STPG1: variants seen among roughly 807,000 people sequenced by gnomAD.
STPG1 encodes O(6)-methylguanine-induced apoptosis 2.
A neutral mutation model predicts 40.1 loss-of-function variants in STPG1; 33 were observed. The observed-to-expected ratio is 0.82, with a 90% CI of 0.62 to 1.10. The LOEUF (loss-of-function observed/expected upper bound fraction) is 1.10, where lower values mean the gene tolerates loss of function less well. Among genes scored for constraint, STPG1 ranks in the 50% least tolerant of loss-of-function variants. STPG1 has a pLI of 0.00. For synonymous variants in STPG1, 150 were observed against 155.0 expected, an observed-to-expected ratio of 0.97 and a Z score of 0.24; for missense variants, 396 against 415.1, an observed-to-expected ratio of 0.95 and a Z score of 0.40.
chr1:24,406,761 C>A (rs1643430441), intron 1 of STPG1, among the ~76,000 whole-genome samples: 1 of 152,000 alleles, frequency 6.6e-6, no homozygotes, highest in Non-Finnish European at 1.5e-5. Flanking sequence ...ATTTTGATTC[C>A]TCTGTCAGTA....
At chr1:24,390,478 G>C (rs965822797) in intron 3 of STPG1, among the ~76,000 whole-genome samples, 10 of 152,172 alleles carry the variant, frequency 6.6e-5, no homozygotes, top group African/African-American at 2.2e-4. Flanking sequence ...AAGTCCAGTA[G>C]TGCGATCTCG....
At chr1:24,361,979 C>T (rs979616049) in intron 7 of STPG1, among the ~76,000 whole-genome samples, 1 of 152,158 alleles carries the variant, frequency 6.6e-6, no homozygotes, top group African/African-American at 2.4e-5. Context: ...GCTACTCTCC[C>T]AACCATGTAA....
intron 1 of STPG1, among the ~76,000 whole-genome samples, chr1:24,402,757 AC>A (rs1438873371): frequency 0.014 from 2,067 of 150,666 alleles, 48 homozygotes; most frequent in African/African-American, 0.045. Flanking sequence ...AAAAAAAAAA[AC>A]AAAAAAAAAC....
intron 3 of STPG1, among the ~76,000 whole-genome samples, chr1:24,385,288 C>A (rs1302195176): frequency 6.6e-6 from 1 of 152,196 alleles, no homozygotes; most frequent in Non-Finnish European, 1.5e-5. Flanking sequence ...TTCACCCTTG[C>A]CCCATGGGAG....
chr1:24,380,123 C>T (rs1208956272), intron 4 of STPG1, among the ~76,000 whole-genome samples: 1 of 152,164 alleles, frequency 6.6e-6, no homozygotes, highest in Non-Finnish European at 1.5e-5. Context: ...GCCACTTACC[C>T]TTGACTCATC....
At position 24,369,849 on chromosome 1, in the gene STPG1, A is replaced by C. The variant is rs757741245; in HGVS notation, c.572-10T>G. 1.3e-6 allele frequency: 2 copies of C among 1,576,988 alleles called. No individual in the cohort carries two copies. Among genetic ancestry groups the C allele is most frequent in the East Asian group, 2.3e-5 (1 of 44,250 alleles). On this transcript the variant is annotated splice_polypyrimidine_tract_variant and intron_variant, in intron 6 of 8. Transcript: ENST00000337248. The stretch of plus-strand genomic sequence containing the variant: ...TTGATATCATAATGCCCTAAGGAGA[A>C]AGAAATTTTAGGACAGAATAAGGAA...
intron 2 of STPG1, among the ~76,000 whole-genome samples, chr1:24,396,164 T>C (rs1178441749): frequency 6.6e-6 from 1 of 152,210 alleles, no homozygotes; most frequent in East Asian, 1.9e-4. Flanking sequence ...TGGTAGACCA[T>C]GATAAGTTAA....
At chr1:24,393,141 C>A (rs1350101241) in intron 2 of STPG1, among the ~76,000 whole-genome samples, 2 of 152,122 alleles carry the variant, frequency 1.3e-5, no homozygotes, top group Non-Finnish European at 2.9e-5. Flanking sequence ...ACATGATTTG[C>A]CTAATGAGTC....
In STPG1 at chr1:24,398,625, A is replaced by C. The variant is rs1030870664; in HGVS notation, c.70+2694T>G. 5.3e-5 allele frequency among the ~76,000 whole-genome samples: 8 copies of C among 152,256 alleles called. No individual in the cohort carries two copies. In the East Asian group the frequency reaches 1.5e-3, roughly 29 times the overall value. On this transcript the variant is annotated intron_variant, in intron 2 of 8. Transcript: ENST00000337248. Reference sequence around the variant, plus strand: ...CAAAATAATCTGTGGACACCCTATAAGAGGTAATAGTTGGATTTAGTGAGG... The same window carrying C: ...CAAAATAATCTGTGGACACCCTATACGAGGTAATAGTTGGATTTAGTGAGG...
intron 6 of STPG1, 112 bp downstream of exon 6, chr1:24,373,590 C>T (rs1641853788): frequency 1.4e-6 from 1 of 734,284 alleles, no homozygotes; most frequent in Non-Finnish European, 2.5e-6. Flanking sequence ...TACTCCTCCC[C>T]ACCCAAAGAC....
At chr1:24,396,752 T>C (rs952996746) in intron 2 of STPG1, among the ~76,000 whole-genome samples, 11 of 152,046 alleles carry the variant, frequency 7.2e-5, no homozygotes, top group African/African-American at 2.7e-4. Flanking sequence ...TTAAAAATAA[T>C]ACAAGAGACA....
intron 6 of STPG1, among the ~76,000 whole-genome samples, chr1:24,372,330 ACCTGCT>A (rs1641791121): frequency 6.6e-6 from 1 of 152,222 alleles, no homozygotes; most frequent in Non-Finnish European, 1.5e-5. Context: ...TGTGGTGAGT[ACCTGCT>A]CCATGGGGCT....
At chr1:24,398,249 G>A (rs1643085927) in intron 2 of STPG1, among the ~76,000 whole-genome samples, 1 of 151,942 alleles carries the variant, frequency 6.6e-6, no homozygotes, top group Non-Finnish European at 1.5e-5. Context: ...TAACTGTTTA[G>A]TAGATACAGA....
chr1:24,412,387 C>A (rs1202751608), intron 1 of STPG1, among the ~76,000 whole-genome samples: 7 of 152,324 alleles, frequency 4.6e-5, no homozygotes, highest in African/African-American at 1.7e-4. Flanking sequence ...ACTTCCCTGA[C>A]CACCCTCTCT....
chr1:24,389,693 C>T (rs969708128), intron 3 of STPG1, among the ~76,000 whole-genome samples: 24 of 152,076 alleles, frequency 1.6e-4, no homozygotes, highest in Admixed American at 9.2e-4. Context: ...TTGTTTTTAT[C>T]GGAGGCTGGG....
chr1:24,379,921 G>T, intron 4 of STPG1, 98 bp from the exon 5 acceptor site: 2 of 1,203,344 alleles, frequency 1.7e-6, no homozygotes, highest in Non-Finnish European at 2.3e-6. Flanking sequence ...AGGTCTAAAT[G>T]CATTTTATAA....
chr1:24,386,993 C>T lies in STPG1; in HGVS notation c.190-2990G>A, dbSNP rs967129853. ...GTGGGTGGAACAGCGCCGATGCGGC[C>T]CGCCATCATCATCATCACCATCACC... On this transcript the variant is annotated intron_variant, in intron 3 of 8. Coordinates refer to ENST00000337248, the MANE Select transcript of STPG1 (RefSeq NM_001199013.2). Among the ~76,000 whole-genome samples the T allele has an allele frequency of 5.3e-5, 8 of 149,718 alleles. 1 individual carries two copies. Among genetic ancestry groups the T allele is most frequent in the African/African-American group, 2.0e-4 (8 of 40,264 alleles).
At chr1:24,373,618 T>A in intron 6 of STPG1, 84 bp downstream of exon 6, 1 of 893,146 alleles carries the variant, frequency 1.1e-6, no homozygotes, top group Non-Finnish European at 1.9e-6. Flanking sequence ...TTCCAAAGAC[T>A]CCCTGTGAAG....
chr1:24,382,250 C>T (rs12086212), intron 4 of STPG1, among the ~76,000 whole-genome samples: 59,862 of 151,954 alleles, frequency 0.39, 12,085 homozygotes, highest in African/African-American at 0.47. Context: ...TTTGTTGGCA[C>T]CAAGAAGGAA....
Sources: gnomAD v4.1 joint callset for allele counts (sites outside exome capture counted in the v4.1 genomes callset) on GRCh38, gnomAD v4.1.1 for gene constraint, MANE v1.5 for transcripts, NCBI Gene and HGNC (gene_info 2026-07-23, HGNC 2026-07-21) for gene names.